Variants in MAML3 observed in about 807,000 individuals in gnomAD.
MAML3 encodes the protein mastermind like transcriptional coactivator 3.
MAML3 carries 27 observed loss-of-function variants against 101.9 expected under a neutral mutation model. That is an observed-to-expected ratio of 0.27 (90% CI 0.20 to 0.37). The LOEUF (loss-of-function observed/expected upper bound fraction) is 0.37, where lower values mean the gene tolerates loss of function less well. Ranked by LOEUF, MAML3 falls within the 10% of genes least tolerant of loss-of-function variation. The pLI is 1.00. For missense variants in MAML3, 1,316 were observed against 1,444.9 expected (o/e 0.91, Z 1.45); for synonymous variants, 501 against 555.9 (o/e 0.90, Z 1.39).
At chr4:140,006,585 CAAA>C (rs34273207) in intron 1 of MAML3, among the ~76,000 whole-genome samples, 4 of 93,322 alleles carry the variant, frequency 4.3e-5, no homozygotes, top group East Asian at 3.0e-4. Context: ...AACTCTGTCT[CAAA>C]AAAAAAAAAA....
intron 1 of MAML3, among the ~76,000 whole-genome samples, chr4:140,087,872 A>G (rs965039390): frequency 6.6e-6 from 1 of 152,158 alleles, no homozygotes; most frequent in African/African-American, 2.4e-5. Flanking sequence ...ACGATGAAAA[A>G]CAGAATTCTC....
intron 1 of MAML3, among the ~76,000 whole-genome samples, chr4:140,018,082 T>C (rs1253829858): frequency 6.6e-6 from 1 of 152,134 alleles, no homozygotes; most frequent in Non-Finnish European, 1.5e-5. Flanking sequence ...TTCTATTAAG[T>C]CTAATTGGGT....
At chr4:139,907,081 A>G (rs1732834860) in intron 1 of MAML3, among the ~76,000 whole-genome samples, 1 of 152,260 alleles carries the variant, frequency 6.6e-6, no homozygotes, top group South Asian at 2.1e-4. Flanking sequence ...AGATTTGACT[A>G]CATGAGGTTT....
At chr4:140,103,090 C>T (rs956620186) in intron 1 of MAML3, among the ~76,000 whole-genome samples, 3 of 152,168 alleles carry the variant, frequency 2.0e-5, no homozygotes, top group African/African-American at 7.2e-5. Flanking sequence ...TGAGGAAGGA[C>T]CACTGCTTGC....
chr4:140,102,168 G>C (rs1728262500), intron 1 of MAML3, among the ~76,000 whole-genome samples: 1 of 152,172 alleles, frequency 6.6e-6, no homozygotes, highest in Non-Finnish European at 1.5e-5. Context: ...CTCCATCTAT[G>C]AGAAGGCATG....
In MAML3 at chr4:139,890,317, A is replaced by C; in HGVS notation, c.1119T>G (p.Ser373=). The C allele has an allele frequency of 6.2e-7, 1 of 1,612,788 alleles. No individual in the cohort carries two copies. Among genetic ancestry groups the C allele is most frequent in the Non-Finnish European group, 8.5e-7 (1 of 1,179,190 alleles). ...HSPFAHVSMG[S]PQARPSSSGP... ...CAGAAGAAGAAGGCCTCGCCTGGGG[A>C]GATCCCATGGAGACATGTGCGAAGG... is the stretch of plus-strand genomic sequence containing the variant. The change falls in exon 2 of 5, where the codon TCT becomes TCG. Residue 373 remains serine, a synonymous_variant. Transcript: ENST00000509479. This position sits in a 1 kb window ranked among gnomAD's most constrained non-coding sequence, Gnocchi z 4.1.
intron 1 of MAML3, among the ~76,000 whole-genome samples, chr4:139,989,835 C>T (rs1219136302): frequency 7.5e-6 from 1 of 133,286 alleles, no homozygotes; most frequent in Non-Finnish European, 1.6e-5. Context: ...CCCTGCACCC[C>T]ACCACACACA....
At chr4:139,954,697 T>C (rs964733269) in intron 1 of MAML3, among the ~76,000 whole-genome samples, 1 of 152,080 alleles carries the variant, frequency 6.6e-6, no homozygotes, top group East Asian at 1.9e-4. Context: ...TTTATTTTTG[T>C]TTTTTTGAGA....
At chr4:139,885,932 C>CAAAAAAA (rs1182443191) in intron 2 of MAML3, among the ~76,000 whole-genome samples, 18 of 20,142 alleles carry the variant, frequency 8.9e-4, no homozygotes, top group African/African-American at 1.3e-3. Context: ...GACTCCGTCT[C>CAAAAAAA]AAAAAAAAAA....
intron 1 of MAML3, among the ~76,000 whole-genome samples, chr4:140,033,680 T>A (rs141763675): frequency 2.1e-4 from 32 of 152,344 alleles, no homozygotes; most frequent in African/African-American, 7.2e-4. Context: ...TGATCTTGGA[T>A]AAGTCACCTA....
At chr4:139,915,630 T>C (rs1733011456) in intron 1 of MAML3, among the ~76,000 whole-genome samples, 1 of 152,154 alleles carries the variant, frequency 6.6e-6, no homozygotes, top group African/African-American at 2.4e-5. Context: ...AACCTGTGTG[T>C]ATGAATCCAA....
chr4:139,967,338 CAG>C (rs1004493559), intron 1 of MAML3, among the ~76,000 whole-genome samples: 9 of 152,056 alleles, frequency 5.9e-5, no homozygotes, highest in Non-Finnish European at 1.2e-4. Flanking sequence ...ATGTGGGAAA[CAG>C]GGGAAGGAAA....
chr4:139,872,106 A>G (rs960380501), intron 2 of MAML3, among the ~76,000 whole-genome samples: 16 of 152,230 alleles, frequency 1.1e-4, no homozygotes, highest in African/African-American at 3.6e-4. Context: ...TAGCTTTCTC[A>G]GTTAAAAGGT....
intron 1 of MAML3, among the ~76,000 whole-genome samples, chr4:139,967,484 AC>A (rs1469275564): frequency 3.3e-4 from 49 of 148,628 alleles, no homozygotes; most frequent in Non-Finnish European, 2.2e-4. Context: ...ACACACACAC[AC>A]ACACACACAC....
At chr4:139,963,853 CT>C (rs1195821039) in intron 1 of MAML3, among the ~76,000 whole-genome samples, 1 of 152,114 alleles carries the variant, frequency 6.6e-6, no homozygotes, top group African/African-American at 2.4e-5. Flanking sequence ...CTCTTAGAGC[CT>C]CCCAGAGGTA....
intron 1 of MAML3, among the ~76,000 whole-genome samples, chr4:140,064,985 T>C (rs2110943854): frequency 6.6e-6 from 1 of 152,278 alleles, no homozygotes; most frequent in Admixed American, 6.5e-5. Context: ...CCCAAATCAC[T>C]CAATTACTCT....
chr4:139,984,029 C>T (rs1734491814), intron 1 of MAML3, among the ~76,000 whole-genome samples: 1 of 152,044 alleles, frequency 6.6e-6, no homozygotes, highest in Admixed American at 6.6e-5. Flanking sequence ...TAATAATGGA[C>T]CCTGAGATCT....
At chr4:139,772,112 T>C (rs906693065) in intron 2 of MAML3, among the ~76,000 whole-genome samples, 42 of 150,610 alleles carry the variant, frequency 2.8e-4, no homozygotes, top group Non-Finnish European at 4.3e-4. Context: ...CGGTGGCAGG[T>C]GCCTGTAGTT....
chr4:139,894,905 G>T (rs1427507694), intron 1 of MAML3, among the ~76,000 whole-genome samples: 3 of 152,324 alleles, frequency 2.0e-5, no homozygotes, highest in Middle Eastern at 3.4e-3. Flanking sequence ...GGAAATGAAG[G>T]TTAGGGCTTT....
Sources: gnomAD v4.1 joint callset for allele counts (sites outside exome capture counted in the v4.1 genomes callset) on GRCh38, gnomAD v4.1.1 for gene constraint, Gnocchi (gnomAD v3.1) non-coding constraint, MANE v1.5 for transcripts, NCBI Gene and HGNC (gene_info 2026-07-23, HGNC 2026-07-21) for gene names.